Variants in ST8SIA2 observed in about 807,000 individuals in gnomAD.
The protein encoded by ST8SIA2 is ST8 alpha-N-acetyl-neuraminide alpha-2,8-sialyltransferase 2, also known as alpha-2,8-sialyltransferase 8B.
ST8SIA2 carries 22 observed loss-of-function variants against 37.6 expected under a neutral mutation model. The observed-to-expected ratio is 0.58, with a 90% CI of 0.42 to 0.83. The LOEUF is 0.83. ST8SIA2 is among the 40% of genes least tolerant of loss of function. The pLI, the probability that ST8SIA2 is intolerant of heterozygous loss-of-function variation, is 0.00. For synonymous variants in ST8SIA2, 205 were observed against 201.2 expected, an observed-to-expected ratio of 1.02 and a Z score of -0.16; for missense variants, 382 against 484.7, an observed-to-expected ratio of 0.79 and a Z score of 1.99.
chr15:92,451,100 T>C (rs1322666240), intron 5 of ST8SIA2, among the ~76,000 whole-genome samples: 1 of 152,186 alleles, frequency 6.6e-6, no homozygotes, highest in African/African-American at 2.4e-5. Context: ...TTACCTTCAT[T>C]TTGCAAAAGA....
chr15:92,428,253 G>T (rs1395272787), intron 1 of ST8SIA2, among the ~76,000 whole-genome samples: 1 of 152,170 alleles, frequency 6.6e-6, no homozygotes, highest in South Asian at 2.1e-4. Flanking sequence ...ATAATAGTGT[G>T]TGCAGTTGAT....
intron 5 of ST8SIA2, among the ~76,000 whole-genome samples, chr15:92,462,874 T>A (rs909573461): frequency 6.6e-6 from 1 of 152,232 alleles, no homozygotes; most frequent in African/African-American, 2.4e-5. Flanking sequence ...CACATCAGCA[T>A]GCGTTCTGAG....
intron 4 of ST8SIA2, among the ~76,000 whole-genome samples, chr15:92,443,632 G>A (rs1423231528): frequency 1.3e-5 from 2 of 151,968 alleles, no homozygotes; most frequent in Non-Finnish European, 2.9e-5. Flanking sequence ...CAGGTCCTTT[G>A]ATATCTCACT....
intron 1 of ST8SIA2, among the ~76,000 whole-genome samples, chr15:92,400,412 C>G (rs781764728): frequency 1.3e-5 from 2 of 152,166 alleles, no homozygotes; most frequent in East Asian, 1.9e-4. Context: ...AAGCATTCAG[C>G]CTCTCTGCTC....
chr15:92,463,990 G>A, intron 5 of ST8SIA2, 110 bp from the exon 6 acceptor site: 1 of 1,443,070 alleles, frequency 6.9e-7, no homozygotes, highest in South Asian at 1.4e-5. Context: ...ATCGGTCCCT[G>A]GAGTGGCAGA....
intron 5 of ST8SIA2, among the ~76,000 whole-genome samples, chr15:92,451,492 G>A (rs1483968927): frequency 1.3e-5 from 2 of 152,190 alleles, no homozygotes; most frequent in African/African-American, 4.8e-5. Context: ...GGTTGCCCTT[G>A]CCCTTGAATG....
chr15:92,426,963 A>G (rs2049680728), intron 1 of ST8SIA2, among the ~76,000 whole-genome samples: 1 of 152,072 alleles, frequency 6.6e-6, no homozygotes, highest in Admixed American at 6.6e-5. Context: ...GCGTGATGGC[A>G]GGCGCCTGTA....
chr15:92,405,684 G>T (rs1444627211), intron 1 of ST8SIA2, among the ~76,000 whole-genome samples: 1 of 152,210 alleles, frequency 6.6e-6, no homozygotes, highest in East Asian at 1.9e-4. Flanking sequence ...AGAAAAGGGG[G>T]GAGGTGTGGC....
At chr15:92,394,222 T>C in intron 1 of ST8SIA2, 60 bp downstream of exon 1, 1 of 1,378,056 alleles carries the variant, frequency 7.3e-7, no homozygotes, top group Non-Finnish European at 1.0e-6. Context: ...CCTCCTTCTG[T>C]ACTCTCCACC....
At position 92,465,746 on chromosome 15, in the gene ST8SIA2, G is replaced by A. The variant is rs2049987592; in HGVS notation, c.*1361G>A. 1 of 151,674 alleles carries A rather than the reference G, an allele frequency of 6.6e-6. No individual in the cohort carries two copies. Among genetic ancestry groups the A allele is most frequent in the Non-Finnish European group, 1.5e-5 (1 of 67,970 alleles). The allele number at this position is 151,674 out of a possible 1,614,324, so 9.4% of individuals were successfully genotyped here. A position where few individuals can be genotyped will look rare whatever the true frequency, so the allele number is the denominator to read the frequency against. On this transcript the variant is annotated 3_prime_UTR_variant, in exon 6 of 6. Transcript: ENST00000268164. ...TTTGCAAAATTCTTTTCCCCTTATT[G>A]AGATTAATATTTAAGATTAAAAAAA...
At chr15:92,455,491 T>C (rs1184236308) in intron 5 of ST8SIA2, among the ~76,000 whole-genome samples, 2 of 152,218 alleles carry the variant, frequency 1.3e-5, no homozygotes, top group African/African-American at 4.8e-5. Flanking sequence ...CTGTTAAACC[T>C]GCTTTCTGTG....
At position 92,404,338 on chromosome 15, in the gene ST8SIA2, G is replaced by C. The variant is rs374640298; in HGVS notation, c.98+10176G>C. ...AATGACCTCACCTTTCTGAGTCTCA[G>C]TTTCCTAATCTGTATAATGGGGTTA... On this transcript the variant is annotated intron_variant, in intron 1 of 5. Transcript: ENST00000268164. Among the ~76,000 whole-genome samples the C allele has an allele frequency of 2.0e-5, 3 of 152,164 alleles. No individual in the cohort carries two copies. In the South Asian group the frequency reaches 6.2e-4, roughly 32 times the overall value.
chr15:92,457,593 G>A (rs1339056385), intron 5 of ST8SIA2, among the ~76,000 whole-genome samples: 1 of 152,188 alleles, frequency 6.6e-6, no homozygotes, highest in Non-Finnish European at 1.5e-5. Context: ...ATTAGTTTGT[G>A]TTTTAACACC....
At chr15:92,414,300 C>T (rs991916416) in intron 1 of ST8SIA2, among the ~76,000 whole-genome samples, 4 of 152,208 alleles carry the variant, frequency 2.6e-5, no homozygotes, top group Non-Finnish European at 4.4e-5. Context: ...GAAGCTCTGG[C>T]GTCTGTCTGG....
chr15:92,445,506 A>G (rs1335409367), intron 5 of ST8SIA2, among the ~76,000 whole-genome samples: 1 of 152,156 alleles, frequency 6.6e-6, no homozygotes, highest in African/African-American at 2.4e-5. Context: ...ATATTCTCTA[A>G]CTCTACAGAG....
intron 1 of ST8SIA2, among the ~76,000 whole-genome samples, chr15:92,423,996 T>C (rs187045974): frequency 2.4e-4 from 36 of 152,332 alleles, no homozygotes; most frequent in Non-Finnish European, 4.1e-4. Flanking sequence ...CCATGTGTCC[T>C]TGGAGTTTGT....
At chr15:92,409,942 T>G (rs938091249) in intron 1 of ST8SIA2, among the ~76,000 whole-genome samples, 1 of 152,328 alleles carries the variant, frequency 6.6e-6, no homozygotes, top group East Asian at 1.9e-4. Flanking sequence ...AAGGTGCTCA[T>G]GGAGTTTGTG....
chr15:92,413,532 C>T (rs1340910219), intron 1 of ST8SIA2, among the ~76,000 whole-genome samples: 3 of 152,196 alleles, frequency 2.0e-5, no homozygotes, highest in African/African-American at 7.2e-5. Flanking sequence ...CATTTCCCTC[C>T]TCCTCCCGGC....
chr15:92,446,225 T>A (rs1419014987), intron 5 of ST8SIA2, among the ~76,000 whole-genome samples: 1 of 152,170 alleles, frequency 6.6e-6, no homozygotes, highest in Non-Finnish European at 1.5e-5. Context: ...TCTCTTTATG[T>A]TATATTAGGG....
Sources: gnomAD v4.1 joint callset for allele counts (sites outside exome capture counted in the v4.1 genomes callset) on GRCh38, gnomAD v4.1.1 for gene constraint, MANE v1.5 for transcripts, NCBI Gene and HGNC (gene_info 2026-07-23, HGNC 2026-07-21) for gene names.